Variants in DENND6A observed in about 807,000 individuals in gnomAD.
DENND6A encodes the protein DENN domain containing 6A, also known as protein DENND6A.
A neutral mutation model predicts 95.5 loss-of-function variants in DENND6A; 43 were observed. The observed-to-expected ratio is 0.45, with a 90% CI of 0.35 to 0.58. DENND6A has a LOEUF of 0.58. Ranked by LOEUF, DENND6A falls within the 20% of genes least tolerant of loss-of-function variation. DENND6A has a pLI of 0.00. For synonymous variants in DENND6A, 257 were observed against 260.4 expected (o/e 0.99, Z 0.13); for missense variants, 574 against 736.0 (o/e 0.78, Z 2.55).
intron 5 of DENND6A, 75 bp downstream of exon 5, chr3:57,663,561 C>T: frequency 9.6e-7 from 1 of 1,037,144 alleles, no homozygotes; most frequent in Non-Finnish European, 1.4e-6. Context: ...TTTAAAGACT[C>T]TTAAATCTAA....
Position 57,630,948 on chromosome 3 carries a change from G to A in DENND6A, c.1384C>T (p.Gln462Ter). Residue 462 changes from glutamine (Q) to a stop codon, truncating the protein, a stop_gained, in exon 16 of 20, where the codon CAG (glutamine) becomes TAG (stop). Transcript: ENST00000311128. LOFTEE classifies it high-confidence loss of function. ...ACCTTCCATGGGGAAATACTTTTCT[G>A]CAAAGGCATCAAGCTTGCCACATAT... ...ERYVASLMPL[Q>*]KSISPWKSPP... 6.2e-7 allele frequency: 1 copy of A among 1,613,404 alleles called. No homozygotes were observed. Among genetic ancestry groups the A allele is most frequent in the Non-Finnish European group, 8.5e-7 (1 of 1,179,842 alleles).
rs1441519165 is a variant in DENND6A, at chr3:57,641,656, T to C, written c.1129A>G (p.Thr377Ala). 3.7e-6 allele frequency: 6 copies of C among 1,607,960 alleles called. No individual in the cohort carries two copies. In the East Asian group the frequency reaches 8.9e-5, roughly 24 times the overall value. ...HIIRIGDLKPTGEIPKQVKVK... is the reference protein window; with the variant it reads ...HIIRIGDLKPAGEIPKQVKVK... ...GAACACCAAGTTTATACTTTACCTG[T>C]AGGTTTAAGGTCTCCTATTCGAATA... Residue 377 changes from threonine (T) to alanine (A), a missense_variant, in exon 12 of 20, where the codon ACA becomes GCA. Physicochemically the swap from Thr to Ala is moderately conservative, Grantham distance 58. This residue lies in a region of DENND6A where 452 missense variants were observed against 630.9 expected (regional missense o/e 0.72). Coordinates refer to ENST00000311128, the MANE Select transcript of DENND6A (RefSeq NM_152678.3).
At chr3:57,671,516 C>T (rs374252467) in intron 3 of DENND6A, among the ~76,000 whole-genome samples, 30 of 148,482 alleles carry the variant, frequency 2.0e-4, no homozygotes, top group African/African-American at 6.5e-4. Flanking sequence ...GGTGACAGAG[C>T]GAGACTCCAT....
Position 57,628,114 on chromosome 3 carries a change from C to T in DENND6A, c.*100G>A. On this transcript the variant is annotated 3_prime_UTR_variant, in exon 20 of 20. Coordinates refer to ENST00000311128, the MANE Select transcript of DENND6A (RefSeq NM_152678.3). Reference sequence around the variant, plus strand: ...GTAACTAGCATTCATGGCAATTTTCCACTCCGCTGCCACTGAGAGATCTCC... The same window carrying T: ...GTAACTAGCATTCATGGCAATTTTCTACTCCGCTGCCACTGAGAGATCTCC... 1 of 1,500,408 alleles carries T rather than the reference C, an allele frequency of 6.7e-7. No individual in the cohort carries two copies. The highest frequency in any genetic ancestry group is 8.9e-7 in the Non-Finnish European group (1 of 1,121,922). 92.9% of individuals were successfully genotyped at this position (1,500,408 alleles called of 1,614,324 possible).
chr3:57,640,665 AT>A (rs2070910078), intron 12 of DENND6A, among the ~76,000 whole-genome samples: 1 of 152,218 alleles, frequency 6.6e-6, no homozygotes, highest in South Asian at 2.1e-4. Flanking sequence ...ATGAATGTCC[AT>A]TGTCATGTCG....
intron 9 of DENND6A, among the ~76,000 whole-genome samples, chr3:57,656,333 A>G (rs2071324973): frequency 6.6e-6 from 1 of 152,160 alleles, no homozygotes; most frequent in Non-Finnish European, 1.5e-5. Flanking sequence ...AGTCTTTCAC[A>G]TTGTTGCATG....
chr3:57,683,251 C>T (rs911882083), intron 1 of DENND6A, among the ~76,000 whole-genome samples: 1 of 151,956 alleles, frequency 6.6e-6, no homozygotes, highest in African/African-American at 2.4e-5. Context: ...TAAACTAGAC[C>T]AAAAGAGTAA....
At chr3:57,689,109 T>G (rs769057302) in intron 1 of DENND6A, among the ~76,000 whole-genome samples, 46 of 151,900 alleles carry the variant, frequency 3.0e-4, no homozygotes, top group Non-Finnish European at 4.0e-4. Flanking sequence ...TGTATGCCAC[T>G]GCGCCCAGCT....
At chr3:57,634,681 T>TA in intron 13 of DENND6A, 23 bp downstream of exon 13, 1 of 1,513,446 alleles carries the variant, frequency 6.6e-7, no homozygotes, top group Non-Finnish European at 8.9e-7. Flanking sequence ...AATATATATT[T>TA]AAAAATCAAT....
intron 11 of DENND6A, among the ~76,000 whole-genome samples, chr3:57,643,586 G>A (rs1367339880): frequency 6.6e-6 from 1 of 151,868 alleles, no homozygotes; most frequent in Non-Finnish European, 1.5e-5. Context: ...CCAGCACTTT[G>A]GGAGGCTGAG....
At chr3:57,645,210 C>T (rs7636706) in intron 11 of DENND6A, among the ~76,000 whole-genome samples, 56,115 of 151,998 alleles carry the variant, frequency 0.37, 12,200 homozygotes, top group South Asian at 0.56. Flanking sequence ...CACCTGTAAT[C>T]CCAGCACTTT....
intron 3 of DENND6A, among the ~76,000 whole-genome samples, chr3:57,667,205 T>C (rs1352969452): frequency 1.3e-5 from 2 of 152,086 alleles, no homozygotes; most frequent in Non-Finnish European, 2.9e-5. Flanking sequence ...ATTTTTTGTA[T>C]TTTTAGTAGA....
At chr3:57,680,010 C>A (rs1278679556) in intron 1 of DENND6A, among the ~76,000 whole-genome samples, 1 of 152,134 alleles carries the variant, frequency 6.6e-6, no homozygotes, top group East Asian at 1.9e-4. Context: ...GCAGTGGGAA[C>A]AATGGACTGT....
chr3:57,631,924 G>A (rs1172270550), intron 15 of DENND6A, among the ~76,000 whole-genome samples: 1 of 148,206 alleles, frequency 6.7e-6, no homozygotes, highest in Non-Finnish European at 1.5e-5. Context: ...GGGTTTCACC[G>A]TGTTAGCCAG....
intron 1 of DENND6A, among the ~76,000 whole-genome samples, chr3:57,673,170 C>T (rs1037618178): frequency 4.4e-5 from 6 of 136,358 alleles, no homozygotes; most frequent in East Asian, 2.2e-4. Flanking sequence ...GCTGAGATTA[C>T]GCCACTGCAC....
intron 1 of DENND6A, among the ~76,000 whole-genome samples, chr3:57,682,281 CAAAAAAAAA>C (rs10618015): frequency 2.8e-4 from 15 of 53,564 alleles, no homozygotes; most frequent in East Asian, 1.9e-3. Flanking sequence ...GACTCCGTCT[CAAAAAAAAA>C]AAAAAAAAAA....
At chr3:57,684,620 CA>C in intron 1 of DENND6A, among the ~76,000 whole-genome samples, 1 of 151,398 alleles carries the variant, frequency 6.6e-6, no homozygotes, top group East Asian at 1.9e-4. Context: ...CCTGTTTCTA[CA>C]AAAAAACAAA....
intron 1 of DENND6A, among the ~76,000 whole-genome samples, chr3:57,690,687 A>AG (rs1426019533): frequency 6.6e-6 from 1 of 151,318 alleles, no homozygotes. Context: ...CTGTCTTTAA[A>AG]AAAAAAAAAA....
intron 1 of DENND6A, among the ~76,000 whole-genome samples, chr3:57,684,576 G>A (rs1435155937): frequency 1.3e-5 from 2 of 152,034 alleles, no homozygotes; most frequent in African/African-American, 2.4e-5. Flanking sequence ...TTGAGGCCAG[G>A]AGTTCAAGAC....
Sources: gnomAD v4.1 joint callset for allele counts (sites outside exome capture counted in the v4.1 genomes callset) on GRCh38, gnomAD v4.1.1 for gene constraint, gnomAD v4.1.1 regional missense constraint, MANE v1.5 for transcripts, NCBI Gene and HGNC (gene_info 2026-07-23, HGNC 2026-07-21) for gene names.